Variants in IGF2BP3 observed in about 807,000 individuals in gnomAD.
IGF2BP3 encodes the protein insulin like growth factor 2 mRNA binding protein 3, also known as insulin-like growth factor 2 mRNA-binding protein 3.
IGF2BP3 carries 9 observed loss-of-function variants against 73.8 expected under a neutral mutation model. The ratio of observed to expected loss-of-function variants is 0.12; its 90% CI spans 0.07 to 0.21. The LOEUF is 0.21. Among genes scored for constraint, IGF2BP3 ranks in the 10% least tolerant of loss-of-function variants. The probability of loss-of-function intolerance (pLI) is 1.00; values close to 1 mark genes in which losing one functional copy is unlikely to be tolerated. For missense variants in IGF2BP3, 542 were observed against 714.0 expected (o/e 0.76, Z 2.75); for synonymous variants, 258 against 256.7 (o/e 1.01, Z -0.05).
intron 10 of IGF2BP3, among the ~76,000 whole-genome samples, chr7:23,322,090 C>G (rs1784171180): frequency 6.6e-6 from 1 of 152,118 alleles, no homozygotes; most frequent in South Asian, 2.1e-4. Flanking sequence ...CTTTGATGAG[C>G]TGAGAGAAGG....
At chr7:23,447,386 G>A (rs982913770) in intron 2 of IGF2BP3, among the ~76,000 whole-genome samples, 8 of 151,958 alleles carry the variant, frequency 5.3e-5, no homozygotes, top group African/African-American at 1.9e-4. Flanking sequence ...GCACTTAGGA[G>A]GCCAAGGCAG....
chr7:23,456,430 C>T (rs767258307), intron 2 of IGF2BP3, among the ~76,000 whole-genome samples: 1 of 152,152 alleles, frequency 6.6e-6, no homozygotes, highest in African/African-American at 2.4e-5. Flanking sequence ...AAGTTTCCTC[C>T]GCAAGAAACT....
Position 23,470,251 on chromosome 7 carries a change from C to T in IGF2BP3, c.-141G>A, listed in dbSNP as rs540050938. 2.0e-5 allele frequency: 12 copies of T among 606,954 alleles called. No homozygotes were observed. The Admixed American group carries it at 2.5e-4, about 13-fold the overall frequency. The allele number at this position is 606,954 out of a possible 1,614,324, so 37.6% of individuals were successfully genotyped here. A position where few individuals can be genotyped will look rare whatever the true frequency, so the allele number is the denominator to read the frequency against. On this transcript the variant is annotated 5_prime_UTR_variant, in exon 1 of 15. The change creates a new upstream start codon in the 5' untranslated region. Transcript: ENST00000258729. ...ACACAAACACAGTAAGAACCAAGCA[C>T]AAGAACGAGGAGTGAAAAATCAGAT...
intron 10 of IGF2BP3, among the ~76,000 whole-genome samples, chr7:23,336,313 G>A (rs933265689): frequency 3.3e-5 from 5 of 152,148 alleles, no homozygotes. Flanking sequence ...CACGATCTTA[G>A]TACGTAATCT....
chr7:23,310,752 G>A lies in IGF2BP3; in HGVS notation c.*1610C>T, dbSNP rs1187483831. On this transcript the variant is annotated 3_prime_UTR_variant, in exon 15 of 15. Coordinates refer to ENST00000258729, the MANE Select transcript of IGF2BP3 (RefSeq NM_006547.3). ...TGATCTTCAGAAAAACATCTAGTCT[G>A]TATAGAAATTCATCTTGAAATAAGA... is the stretch of plus-strand genomic sequence containing the variant. 2.0e-5 allele frequency: 3 copies of A among 152,076 alleles called. No homozygotes were observed. The highest frequency in any genetic ancestry group is 7.2e-5 in the African/African-American group (3 of 41,400). The allele number at this position is 152,076 out of a possible 1,614,324, so 9.4% of individuals were successfully genotyped here.
intron 2 of IGF2BP3, among the ~76,000 whole-genome samples, chr7:23,424,034 C>T (rs1382723379): frequency 6.6e-6 from 1 of 152,114 alleles, no homozygotes; most frequent in African/African-American, 2.4e-5. Context: ...AGCAGAATTG[C>T]TTGAACCCGG....
At chr7:23,313,413 A>G (rs1417239483) in intron 13 of IGF2BP3, 109 bp downstream of exon 13, 2 of 1,251,052 alleles carry the variant, frequency 1.6e-6, no homozygotes, top group Non-Finnish European at 2.2e-6. Flanking sequence ...CTTGGTCAAG[A>G]TGGTCCTGCT....
At chr7:23,359,755 T>C (rs1230678309) in intron 5 of IGF2BP3, among the ~76,000 whole-genome samples, 1 of 152,092 alleles carries the variant, frequency 6.6e-6, no homozygotes, top group Non-Finnish European at 1.5e-5. Flanking sequence ...TAAAACAATA[T>C]GGAGCCTCTG....
intron 3 of IGF2BP3, among the ~76,000 whole-genome samples, chr7:23,363,013 C>T (rs1187516989): frequency 1.3e-5 from 2 of 152,128 alleles, no homozygotes; most frequent in Non-Finnish European, 2.9e-5. Context: ...CCCTGGCCTC[C>T]CAAAGTGCCA....
intron 2 of IGF2BP3, among the ~76,000 whole-genome samples, chr7:23,436,541 A>G (rs1787811975): frequency 6.6e-6 from 1 of 152,202 alleles, no homozygotes; most frequent in Admixed American, 6.5e-5. Context: ...CCATCGACAC[A>G]AATGTTAAAT....
At chr7:23,399,599 T>C (rs1429499848) in intron 3 of IGF2BP3, among the ~76,000 whole-genome samples, 5 of 152,114 alleles carry the variant, frequency 3.3e-5, no homozygotes, top group Non-Finnish European at 7.4e-5. Context: ...AATTAATTTC[T>C]GTTGCTTTAA....
At chr7:23,382,440 AAG>A (rs1785942562) in intron 3 of IGF2BP3, among the ~76,000 whole-genome samples, 1 of 152,184 alleles carries the variant, frequency 6.6e-6, no homozygotes, top group Admixed American at 6.5e-5. Flanking sequence ...ACTGTATCGT[AAG>A]AGAAATATTC....
chr7:23,406,152 A>G (rs1376615851), intron 3 of IGF2BP3, among the ~76,000 whole-genome samples: 2 of 152,022 alleles, frequency 1.3e-5, no homozygotes. Flanking sequence ...GATCTAAAAC[A>G]CTGATGGAGG....
chr7:23,391,877 T>C (rs1034948555), intron 3 of IGF2BP3, among the ~76,000 whole-genome samples: 1 of 152,330 alleles, frequency 6.6e-6, no homozygotes, highest in Non-Finnish European at 1.5e-5. Flanking sequence ...CAAGTGAATG[T>C]TCATGAACCA....
chr7:23,390,800 C>CT (rs1162886168), intron 3 of IGF2BP3, among the ~76,000 whole-genome samples: 12,213 of 135,378 alleles, frequency 0.09, 641 homozygotes, highest in Admixed American at 0.13. Context: ...TTATTGTTGC[C>CT]TTTTTTTTTT....
At chr7:23,367,564 G>C (rs908133015) in intron 3 of IGF2BP3, among the ~76,000 whole-genome samples, 1 of 152,058 alleles carries the variant, frequency 6.6e-6, no homozygotes, top group East Asian at 1.9e-4. Flanking sequence ...TCTATGCTTA[G>C]GTAAGTTTAA....
chr7:23,383,667 C>T (rs1463900554), intron 3 of IGF2BP3, among the ~76,000 whole-genome samples: 2 of 152,090 alleles, frequency 1.3e-5, no homozygotes, highest in Admixed American at 1.3e-4. Context: ...CATGTTCACA[C>T]AAGAAATCGT....
intron 2 of IGF2BP3, among the ~76,000 whole-genome samples, chr7:23,466,055 G>C (rs577806539): frequency 1.4e-5 from 2 of 148,144 alleles, no homozygotes; most frequent in African/African-American, 2.5e-5. Context: ...AGAGTTTCAC[G>C]CTCTTGTTCA....
chr7:23,413,288 C>T (rs1485331533), intron 3 of IGF2BP3: 1 of 151,970 alleles, frequency 6.6e-6, no homozygotes, highest in Admixed American at 6.6e-5. Flanking sequence ...CGAGACCAGC[C>T]TGGTCAACAT....
Sources: gnomAD v4.1 joint callset for allele counts (sites outside exome capture counted in the v4.1 genomes callset) on GRCh38, gnomAD v4.1.1 for gene constraint, MANE v1.5 for transcripts, NCBI Gene and HGNC (gene_info 2026-07-23, HGNC 2026-07-21) for gene names.